ZRSR2: variants seen among roughly 807,000 people sequenced by gnomAD.
The protein encoded by ZRSR2 is zinc finger CCCH-type, RNA binding motif and serine/arginine rich 2, also known as U2 small nuclear ribonucleoprotein auxiliary factor 35 kDa subunit-related protein 2.
ZRSR2 carries 3 observed loss-of-function variants against 39.4 expected under a neutral mutation model. The observed-to-expected ratio is 0.08, with a 90% CI of 0.03 to 0.20. The LOEUF (loss-of-function observed/expected upper bound fraction) is 0.20, where lower values mean the gene tolerates loss of function less well. Among genes scored for constraint, ZRSR2 ranks in the 10% least tolerant of loss-of-function variants. The pLI is 1.00. For synonymous variants in ZRSR2, 137 were observed against 136.0 expected (o/e 1.01, Z -0.05); for missense variants, 256 against 391.5 (o/e 0.65, Z 2.92).
chrX:15,818,832 G>A (rs138813921), intron 9 of ZRSR2, among the ~76,000 whole-genome samples, 190 bp downstream of exon 9: 1,919 of 110,293 alleles, frequency 0.017, 45 homozygotes, highest in African/African-American at 0.058. Flanking sequence ...GTGCAATGGC[G>A]TGTTCTCAGC....
At chrX:15,805,266 G>A (rs1932768515) in intron 5 of ZRSR2, among the ~76,000 whole-genome samples, 1 of 111,531 alleles carries the variant, frequency 9.0e-6, no homozygotes, top group Non-Finnish European at 1.9e-5. Context: ...TAGGTTTTTA[G>A]GGGGCAGAAA....
Position 15,803,702 on chromosome X carries a change from A to G in ZRSR2, c.218A>G (p.Glu73Gly). 4 of 1,203,301 alleles carry G rather than the reference A, an allele frequency of 3.3e-6. No homozygotes were observed. Among genetic ancestry groups the G allele is most frequent in the Non-Finnish European group, 4.5e-6 (4 of 890,765 alleles). The change falls in exon 4 of 11, where the codon GAG becomes GGG. Residue 73 changes from glutamate (E) to glycine (G), a missense_variant. Transcript: ENST00000307771. Reference protein sequence around the residue: ...LLERERQRLHEEWLLREQKAQ... With the variant: ...LLERERQRLHGEWLLREQKAQ... Reference sequence around the variant, plus strand: ...TATACTGATAGGCAAAGATTACATGAGGAGTGGTTGCTAAGAGAGCAGAAG... The same window carrying G: ...TATACTGATAGGCAAAGATTACATGGGGAGTGGTTGCTAAGAGAGCAGAAG...
Position 15,799,905 on chromosome X carries a change from T to A in ZRSR2, c.155T>A (p.Phe52Tyr), listed in dbSNP as rs201893706. Reference sequence around the variant, plus strand: ...CAGAAGGAGGAAGAGGAGGACACTTTTATTGAAGAACAACAACTAGAAGAA... The same window carrying A: ...CAGAAGGAGGAAGAGGAGGACACTTATATTGAAGAACAACAACTAGAAGAA... ...LSQKEEEEDT[F>Y]IEEQQLEEEK... The change falls in exon 3 of 11, where the codon TTT becomes TAT. Residue 52 changes from phenylalanine to tyrosine, a missense_variant. Phe to Tyr is a conservative substitution (Grantham distance 22). Coordinates refer to ENST00000307771, the MANE Select transcript of ZRSR2 (RefSeq NM_005089.4). The A allele has an allele frequency of 6.6e-6, 8 of 1,205,986 alleles. No individual in the cohort carries two copies. Among genetic ancestry groups the A allele is most frequent in the Non-Finnish European group, 7.9e-6 (7 of 891,511 alleles).
chrX:15,820,675 C>CT (rs1387474459), intron 10 of ZRSR2, among the ~76,000 whole-genome samples: 1 of 112,251 alleles, frequency 8.9e-6, no homozygotes, highest in Non-Finnish European at 1.9e-5. Context: ...ATTTTATATT[C>CT]ATTGGCTCAC....
At chrX:15,799,185 CAAAAAAAAA>C (rs558406905) in intron 2 of ZRSR2, among the ~76,000 whole-genome samples, 4 of 74,337 alleles carry the variant, frequency 5.4e-5, no homozygotes, top group Non-Finnish European at 1.1e-4. Flanking sequence ...ACTCCCGTCT[CAAAAAAAAA>C]AAAAAAAAGT....
chrX:15,805,517 G>A (rs975391328), intron 5 of ZRSR2, among the ~76,000 whole-genome samples: 3 of 112,282 alleles, frequency 2.7e-5, no homozygotes, highest in Admixed American at 9.5e-5. Flanking sequence ...CTTCGCTAGC[G>A]GACAGAGACA....
intron 1 of ZRSR2, 176 bp from the exon 2 acceptor site, chrX:15,790,758 T>C (rs1160927766): frequency 1.7e-6 from 1 of 599,763 alleles, no homozygotes; most frequent in African/African-American, 2.3e-5. Context: ...AAGAACTGTC[T>C]GGGAGTGGGA....
chrX:15,804,881 A>C (rs1435640404), intron 5 of ZRSR2, among the ~76,000 whole-genome samples: 2 of 110,824 alleles, frequency 1.8e-5, no homozygotes, highest in African/African-American at 6.6e-5. Flanking sequence ...CTTATTTAAA[A>C]AAAAAAAAAA....
At chrX:15,790,851 T>C (rs1932249275) in intron 1 of ZRSR2, 83 bp from the exon 2 acceptor site, 1 of 954,824 alleles carries the variant, frequency 1.0e-6, no homozygotes. Context: ...ACTATTTCCT[T>C]TCATTGGGCA....
chrX:15,802,751 C>G lies in ZRSR2; in HGVS notation c.204-937C>G, dbSNP rs771889569. Among the ~76,000 whole-genome samples the G allele has an allele frequency of 3.5e-3, 392 of 111,475 alleles. 2 individuals are homozygous for G. The highest frequency in any genetic ancestry group is 0.012 in the African/African-American group (356 of 30,716). On this transcript the variant is annotated intron_variant, in intron 3 of 10. Transcript: ENST00000307771. ...TGGATTACAGGTGCGAGCCATTGCG[C>G]CCGGCCCTCACTAATTTATTTTTAT... is the stretch of plus-strand genomic sequence containing the variant.
intron 1 of ZRSR2, 110 bp downstream of exon 1, chrX:15,790,646 C>T (rs1022885485): frequency 2.0e-6 from 2 of 1,018,570 alleles, no homozygotes; most frequent in African/African-American, 3.9e-5. Flanking sequence ...GCCACCGCGG[C>T]AGCTCCATTC....
rs371727335 is a variant in ZRSR2, at chrX:15,822,053, T to A, written c.938-678T>A. Among the ~76,000 whole-genome samples, 32 of 110,042 alleles carry A rather than the reference T, an allele frequency of 2.9e-4. No individual in the cohort carries two copies. In the South Asian group the frequency reaches 9.9e-3, roughly 34 times the overall value. ...TCGCCCAGGCTGGAGTGCAGTGGCA[T>A]AATTTTGGCTCACTGCAACCTCCAC... On this transcript the variant is annotated intron_variant, in intron 10 of 10. Transcript: ENST00000307771.
In ZRSR2 at chrX:15,793,834, G is replaced by A. The variant is rs761608836; in HGVS notation, c.121+2821G>A. Among the ~76,000 whole-genome samples, 3 of 112,387 alleles carry A rather than the reference G, an allele frequency of 2.7e-5. No individual in the cohort carries two copies. In the South Asian group the frequency reaches 1.1e-3, roughly 41 times the overall value. ...ATTACAGGCGTGAGCCACTGCGCCC[G>A]GCCAGGAACACTGCTGTTTATTGTA... On this transcript the variant is annotated intron_variant, in intron 2 of 10. Transcript: ENST00000307771.
At chrX:15,806,330 G>A (rs1932780347) in intron 5 of ZRSR2, among the ~76,000 whole-genome samples, 1 of 111,033 alleles carries the variant, frequency 9.0e-6, no homozygotes, top group Non-Finnish European at 1.9e-5. Flanking sequence ...GAGGAGTTTG[G>A]ATTTTATGTT....
chrX:15,806,466 G>A (rs1040808389), intron 5 of ZRSR2, among the ~76,000 whole-genome samples: 3 of 111,003 alleles, frequency 2.7e-5, no homozygotes, highest in South Asian at 3.8e-4. Flanking sequence ...TCATGCTGTC[G>A]CCCAGGCTGG....
chrX:15,797,208 C>CTT (rs150083525), intron 2 of ZRSR2, among the ~76,000 whole-genome samples: 9 of 95,702 alleles, frequency 9.4e-5, no homozygotes, highest in African/African-American at 1.1e-4. Flanking sequence ...TCTGCATTAA[C>CTT]TTTTTTTTTT....
At chrX:15,807,135 AG>A (rs1932798075) in intron 5 of ZRSR2, among the ~76,000 whole-genome samples, 1 of 112,165 alleles carries the variant, frequency 8.9e-6, no homozygotes, top group African/African-American at 3.2e-5. Context: ...CCAATTAGGT[AG>A]AAATTTACTG....
rs1281240318 is a variant in ZRSR2, at chrX:15,822,959, A to G, written c.1166A>G (p.Tyr389Cys). 1.6e-6 allele frequency: 2 copies of G among 1,212,528 alleles called. No individual in the cohort carries two copies. Among genetic ancestry groups the G allele is most frequent in the Non-Finnish European group, 2.2e-6 (2 of 895,692 alleles). Residue 389 changes from tyrosine to cysteine, a missense_variant, in exon 11 of 11, where the codon TAC becomes TGC. Physicochemically the swap from Tyr to Cys is radical, Grantham distance 194 (BLOSUM62 -2). Around this residue, in one of 3 missense-constraint regions of ZRSR2, gnomAD observed 111 missense variants for 116.7 expected, o/e 0.95. Transcript: ENST00000307771. ...AGAAACCCTAGTCCAGACCACTCCTACAAAAGAAATGGGGAATCCGAGAGG... is the reference window on the plus strand; with the variant it reads ...AGAAACCCTAGTCCAGACCACTCCTGCAAAAGAAATGGGGAATCCGAGAGG... The part of the protein sequence containing the change: ...GRRNPSPDHS[Y>C]KRNGESERKS...
intron 2 of ZRSR2, among the ~76,000 whole-genome samples, chrX:15,792,135 T>C (rs1932303908): frequency 8.9e-6 from 1 of 111,802 alleles, no homozygotes; most frequent in African/African-American, 3.2e-5. Flanking sequence ...TAAAACAATA[T>C]ATGGGCTGGG....
Sources: allele counts gnomAD v4.1 joint callset (sites outside exome capture counted in the v4.1 genomes callset), GRCh38; gene constraint gnomAD v4.1.1; regional missense constraint gnomAD v4.1.1; transcripts MANE v1.5; gene names NCBI Gene and HGNC (gene_info 2026-07-23, HGNC 2026-07-21).